The following KAZN variants were observed in gnomAD, a reference collection of about 807,000 sequenced individuals.
The protein encoded by KAZN is kazrin, periplakin interacting protein.
Under a neutral mutation model 87.4 loss-of-function variants are expected in KAZN, and 40 were observed. The ratio of observed to expected loss-of-function variants is 0.46; its 90% CI spans 0.36 to 0.60. KAZN has a LOEUF of 0.60. KAZN is among the 20% of genes least tolerant of loss of function. KAZN has a pLI of 0.00. For missense variants in KAZN, 898 were observed against 1,073.9 expected, an observed-to-expected ratio of 0.84 and a Z score of 2.29; for synonymous variants, 466 against 458.3, an observed-to-expected ratio of 1.02 and a Z score of -0.22.
chr1:14,867,953 A>AGCATATGCGG (rs1651678269), intron 1 of KAZN, among the ~76,000 whole-genome samples: 1 of 150,118 alleles, frequency 6.7e-6, no homozygotes, highest in Non-Finnish European at 1.5e-5. Flanking sequence ...ACATAAGCAC[A>AGCATATGCGG]GCATTGCATA....
chr1:14,384,993 A>C (rs1286398818), intron 2 of KAZN, among the ~76,000 whole-genome samples: 13 of 150,554 alleles, frequency 8.6e-5, no homozygotes, highest in African/African-American at 2.7e-4. Context: ...ACAATTTCAG[A>C]TCCTGTTATT....
intron 1 of KAZN, among the ~76,000 whole-genome samples, chr1:14,886,258 CA>C (rs1654037590): frequency 2.0e-5 from 3 of 151,878 alleles, no homozygotes; most frequent in Admixed American, 6.6e-5. Flanking sequence ...CACATCACTA[CA>C]AAAAGATTAA....
Position 15,018,600 on chromosome 1 carries a change from TA to T in KAZN, c.419-16136del, listed in dbSNP as rs3037647. On this transcript the variant is annotated intron_variant, in intron 2 of 14. Transcript: ENST00000376030. Reference sequence around the variant, plus strand: ...CTGCAGAGACTTTAGGGAGTTGATTTAAAAAAAAAAAAACACTCCTTTCTTC... The same window carrying T: ...CTGCAGAGACTTTAGGGAGTTGATTTAAAAAAAAAAAACACTCCTTTCTTC... Among the ~76,000 whole-genome samples the T allele has an allele frequency of 4.8e-3, 702 of 146,608 alleles. 3 individuals carry two copies. Among genetic ancestry groups the T allele is most frequent in the Non-Finnish European group, 7.8e-3 (520 of 66,830 alleles).
At chr1:15,007,718 A>C (rs1397506849) in intron 2 of KAZN, among the ~76,000 whole-genome samples, 2 of 152,222 alleles carry the variant, frequency 1.3e-5, no homozygotes, top group African/African-American at 4.8e-5. Context: ...CAGGCCCGGC[A>C]AAGTGGGTAT....
chr1:14,040,066 TGTGTGTGTGTGCAC>T lies in KAZN; in HGVS notation c.92-140357_92-140344del, dbSNP rs1403528052. 5.9e-3 allele frequency among the ~76,000 whole-genome samples: 885 copies of T among 149,124 alleles called. 10 individuals carry two copies. The highest frequency in any genetic ancestry group is 0.019 in the African/African-American group (765 of 40,302). ...GTGTGCACGTGTGTGTGTGTGCACG[TGTGTGTGTGTGCAC>T]GTGTGTGTGTGAGAGAGAGAGAGAC... On this transcript the variant is annotated intron_variant, in intron 1 of 16. Transcript: ENST00000636203.
chr1:14,958,420 ATG>A (rs1557660815), intron 1 of KAZN, among the ~76,000 whole-genome samples: 4 of 151,422 alleles, frequency 2.6e-5, no homozygotes, highest in African/African-American at 9.7e-5. Context: ...AGCACTTCCT[ATG>A]TACACAAGGC....
chr1:14,287,180 A>G (rs1653316564), intron 2 of KAZN, among the ~76,000 whole-genome samples: 1 of 152,190 alleles, frequency 6.6e-6, no homozygotes, highest in Non-Finnish European at 1.5e-5. Flanking sequence ...ATTTAGTTCC[A>G]TTACCTTGAC....
chr1:14,758,983 A>T (rs1431789716), intron 1 of KAZN, among the ~76,000 whole-genome samples: 1 of 152,202 alleles, frequency 6.6e-6, no homozygotes, highest in Admixed American at 6.5e-5. Flanking sequence ...AGAGAGAGGC[A>T]GACTTTATTC....
Position 14,019,346 on chromosome 1 carries a change from G to A in KAZN, c.91+125590G>A, listed in dbSNP as rs569349799. 5.9e-5 allele frequency among the ~76,000 whole-genome samples: 9 copies of A among 152,242 alleles called. 1 individual carries two copies. Among genetic ancestry groups the A allele is most frequent in the Admixed American group, 5.9e-4 (9 of 15,286 alleles). On this transcript the variant is annotated intron_variant, in intron 1 of 16. Coordinates refer to the KAZN transcript ENST00000636203. ...ATCAAGACCCACTGGGAACACAAAT[G>A]AGGAAAAGGCCATTCTTGGAAGGCA...
Position 14,996,490 on chromosome 1 carries a change from G to T in KAZN, c.418+35615G>T, listed in dbSNP as rs1487774505. 3.3e-5 allele frequency among the ~76,000 whole-genome samples: 5 copies of T among 152,186 alleles called. No individual in the cohort carries two copies. The highest frequency in any genetic ancestry group is 2.6e-4 in the Admixed American group (4 of 15,278). On this transcript the variant is annotated intron_variant, in intron 2 of 14. Transcript: ENST00000376030. The surrounding 1 kb of genome is among the most constrained non-coding windows in gnomAD (Gnocchi z 5.9). ...GTGGGTGCCCCAGGAATGTAGGGGGGATGGACGCCATGCTGAGAAAGCTGC... is the reference window on the plus strand; with the variant it reads ...GTGGGTGCCCCAGGAATGTAGGGGGTATGGACGCCATGCTGAGAAAGCTGC...
intron 10 of KAZN, among the ~76,000 whole-genome samples, chr1:15,097,778 A>G (rs995066021): frequency 6.6e-6 from 1 of 152,176 alleles, no homozygotes; most frequent in Admixed American, 6.5e-5. Context: ...AGACTGCATC[A>G]TTACACTCCA....
chr1:14,849,087 C>T (rs1018930230), intron 1 of KAZN, among the ~76,000 whole-genome samples: 4 of 152,180 alleles, frequency 2.6e-5, no homozygotes, highest in African/African-American at 9.6e-5. Context: ...TGGCTGAGCT[C>T]CCCTTGTTCG....
At chr1:14,681,658 T>TATATATATATATA (rs1365820096) in intron 1 of KAZN, among the ~76,000 whole-genome samples, 1 of 5,708 alleles carries the variant, frequency 1.8e-4, no homozygotes, top group Admixed American at 3.9e-3. Context: ...TATATATATA[T>TATATATATATATA]TTTTTTTTTT....
At chr1:14,158,286 G>T (rs1001184723) in intron 1 of KAZN, among the ~76,000 whole-genome samples, 4 of 151,904 alleles carry the variant, frequency 2.6e-5, no homozygotes, top group Admixed American at 2.6e-4. Flanking sequence ...GTGCTTCATT[G>T]TTTTTTATTC....
intron 2 of KAZN, among the ~76,000 whole-genome samples, chr1:14,534,759 C>A (rs1672393412): frequency 6.6e-6 from 1 of 152,196 alleles, no homozygotes; most frequent in Non-Finnish European, 1.5e-5. Flanking sequence ...GGGTGAGTAG[C>A]CAGTGATAAG....
intron 2 of KAZN, among the ~76,000 whole-genome samples, chr1:14,484,304 T>C (rs1669235607): frequency 6.6e-6 from 1 of 152,202 alleles, no homozygotes; most frequent in Admixed American, 6.5e-5. Flanking sequence ...TCGATAACAA[T>C]GTATTATATT....
chr1:14,107,897 C>T (rs1644414009), intron 1 of KAZN, among the ~76,000 whole-genome samples: 1 of 152,200 alleles, frequency 6.6e-6, no homozygotes, highest in African/African-American at 2.4e-5. Flanking sequence ...CCTTGTCACA[C>T]TCCAGCTTTA....
At chr1:14,011,147 C>T (rs547174315) in intron 1 of KAZN, among the ~76,000 whole-genome samples, 1 of 152,280 alleles carries the variant, frequency 6.6e-6, no homozygotes, top group South Asian at 2.1e-4. Flanking sequence ...ATGAGATGTG[C>T]CCTTGGTGTC....
At chr1:14,713,475 G>T (rs79648416) in intron 1 of KAZN, among the ~76,000 whole-genome samples, 3,050 of 151,176 alleles carry the variant, frequency 0.02, 44 homozygotes, top group South Asian at 0.063. Flanking sequence ...GGCTCCCAGT[G>T]GGGGGTGATT....
Sources: allele counts gnomAD v4.1 joint callset (sites outside exome capture counted in the v4.1 genomes callset), GRCh38; gene constraint gnomAD v4.1.1; non-coding constraint Gnocchi (gnomAD v3.1); transcripts MANE v1.5; gene names NCBI Gene and HGNC (gene_info 2026-07-23, HGNC 2026-07-21).